CTNNA1: variants seen among roughly 807,000 people sequenced by gnomAD.
The protein encoded by CTNNA1 is catenin alpha-1.
A neutral mutation model predicts 98.4 loss-of-function variants in CTNNA1; 37 were observed. That is an observed-to-expected ratio of 0.38 (90% confidence interval 0.29 to 0.49). The LOEUF (loss-of-function observed/expected upper bound fraction) is 0.49, where lower values mean the gene tolerates loss of function less well. CTNNA1 is among the 20% of genes least tolerant of loss of function. CTNNA1 has a pLI of 0.95. For synonymous variants in CTNNA1, 404 were observed against 413.2 expected (o/e 0.98, Z 0.27); for missense variants, 761 against 1,147.2 (o/e 0.66, Z 4.86).
At chr5:138,915,101 T>C (rs1761448511) in intron 10 of CTNNA1, among the ~76,000 whole-genome samples, 1 of 152,076 alleles carries the variant, frequency 6.6e-6, no homozygotes, top group South Asian at 2.1e-4. Context: ...GAGCTGACAT[T>C]GCGCCACTGC....
intron 11 of CTNNA1, among the ~76,000 whole-genome samples, chr5:138,920,711 C>T (rs1762758638): frequency 6.6e-6 from 1 of 152,194 alleles, no homozygotes. Flanking sequence ...CTCTTACACT[C>T]CATGGGGCCT....
intron 7 of CTNNA1, among the ~76,000 whole-genome samples, chr5:138,863,435 A>G (rs111992281): frequency 0.013 from 1,960 of 152,178 alleles, 47 homozygotes; most frequent in African/African-American, 0.04. Flanking sequence ...TTGTAGAGAC[A>G]GAGTTTTGCC....
intron 7 of CTNNA1, among the ~76,000 whole-genome samples, chr5:138,847,569 G>T (rs563722936): frequency 1.1e-4 from 17 of 152,282 alleles, no homozygotes; most frequent in Non-Finnish European, 2.1e-4. Context: ...CTTTTGAAAA[G>T]AAAATTCTTG....
At chr5:138,766,097 A>G (rs959600770) in intron 1 of CTNNA1, among the ~76,000 whole-genome samples, 2 of 152,144 alleles carry the variant, frequency 1.3e-5, no homozygotes, top group Non-Finnish European at 2.9e-5. Flanking sequence ...AGTTACCATG[A>G]TCAAAAAACT....
rs869240008 is a variant in CTNNA1, at chr5:138,852,871, G to GCGCGCACACACACACGCGCGCGCGCA, written c.1062+25154_1062+25155insGCGCACACACACACGCGCGCGCGCAC. Among the ~76,000 whole-genome samples the GCGCGCACACACACACGCGCGCGCGCA allele has an allele frequency of 4.2e-3, 629 of 151,344 alleles. 1 individual carries two copies. The highest frequency in any genetic ancestry group is 6.8e-3 in the Middle Eastern group (2 of 292). The stretch of plus-strand genomic sequence containing the variant: ...CCCTTCCCTCTTTTCGCGCGCGCGC[G>GCGCGCACACACACACGCGCGCGCGCA]CACACACACATTTTTGCATAGGTGT... On this transcript the variant is annotated intron_variant, in intron 7 of 17. Transcript: ENST00000302763.
intron 11 of CTNNA1, among the ~76,000 whole-genome samples, chr5:138,919,706 G>A (rs1037199777): frequency 6.6e-6 from 1 of 152,224 alleles, no homozygotes; most frequent in Non-Finnish European, 1.5e-5. Context: ...TCAGTCAAAG[G>A]TGGTGGTGTT....
intron 9 of CTNNA1, among the ~76,000 whole-genome samples, chr5:138,895,850 T>C (rs1466030079): frequency 6.6e-6 from 1 of 152,224 alleles, no homozygotes; most frequent in Non-Finnish European, 1.5e-5. Context: ...TTTTAATACA[T>C]GACCAAAACA....
intron 7 of CTNNA1, among the ~76,000 whole-genome samples, chr5:138,876,993 C>A (rs1751716798): frequency 6.6e-6 from 1 of 152,190 alleles, no homozygotes; most frequent in Non-Finnish European, 1.5e-5. Flanking sequence ...AGGTCTGACA[C>A]CTGTGAAGGG....
intron 7 of CTNNA1, among the ~76,000 whole-genome samples, chr5:138,879,171 T>TTAA (rs1294788455): frequency 2.5e-5 from 2 of 80,318 alleles, no homozygotes; most frequent in African/African-American, 1.0e-4. Context: ...ACTCCGTCTT[T>TTAA]AAAAAAAAAA....
At chr5:138,924,372 C>A (rs922444085) in intron 11 of CTNNA1, 138 bp from the exon 12 acceptor site, 12 of 697,122 alleles carry the variant, frequency 1.7e-5, no homozygotes, top group Non-Finnish European at 2.7e-5. Flanking sequence ...AGTCACTGGT[C>A]TCTCCAATGA....
At chr5:138,910,214 T>C (rs1353129288) in intron 10 of CTNNA1, among the ~76,000 whole-genome samples, 3 of 148,494 alleles carry the variant, frequency 2.0e-5, no homozygotes, top group African/African-American at 7.5e-5. Flanking sequence ...TTGGAAAGTG[T>C]TTCCTACTTT....
At position 138,911,948 on chromosome 5, in the gene CTNNA1, C is replaced by T. The variant is rs184133212; in HGVS notation, c.1390-5794C>T. 1.3e-3 allele frequency among the ~76,000 whole-genome samples: 197 copies of T among 152,216 alleles called. 1 individual carries two copies. Among genetic ancestry groups the T allele is most frequent in the African/African-American group, 4.6e-3 (189 of 41,516 alleles). On this transcript the variant is annotated intron_variant, in intron 10 of 17. Coordinates refer to ENST00000302763, the MANE Select transcript of CTNNA1 (RefSeq NM_001903.5). ...TTTGGAGCCTAAGCAGCTGGAAGGA[C>T]GGAGTTCCCATTTATTTTGGTAAGG... is the stretch of plus-strand genomic sequence containing the variant.
intron 1 of CTNNA1, among the ~76,000 whole-genome samples, chr5:138,766,164 T>C (rs989987671): frequency 6.6e-6 from 1 of 152,120 alleles, no homozygotes; most frequent in Non-Finnish European, 1.5e-5. Flanking sequence ...ATAATAGTGC[T>C]ATGTGACAAG....
intron 7 of CTNNA1, among the ~76,000 whole-genome samples, chr5:138,829,927 G>A (rs912660333): frequency 5.9e-5 from 9 of 152,058 alleles, no homozygotes; most frequent in African/African-American, 9.7e-5. Context: ...AGCACTTTGG[G>A]AGGCTGAGGC....
At chr5:138,841,367 C>T (rs1476133590) in intron 7 of CTNNA1, among the ~76,000 whole-genome samples, 1 of 152,100 alleles carries the variant, frequency 6.6e-6, no homozygotes, top group Non-Finnish European at 1.5e-5. Flanking sequence ...TCAAGTGATT[C>T]TCCTGCCTCA....
At chr5:138,807,711 T>A (rs886632622) in intron 3 of CTNNA1, among the ~76,000 whole-genome samples, 1 of 152,096 alleles carries the variant, frequency 6.6e-6, no homozygotes, top group African/African-American at 2.4e-5. Flanking sequence ...TCTTGCTTAT[T>A]CTCTCTTGTT....
intron 9 of CTNNA1, among the ~76,000 whole-genome samples, chr5:138,901,332 AT>A (rs1183081031): frequency 6.6e-6 from 1 of 151,284 alleles, no homozygotes; most frequent in Non-Finnish European, 1.5e-5. Context: ...CAATTTTTGT[AT>A]TTTTAGTAGA....
Position 138,932,676 on chromosome 5 carries a change from G to A in CTNNA1, c.2397G>A (p.Glu799=), listed in dbSNP as rs2150349838. Residue 799 remains glutamate (E), a synonymous_variant, in exon 17 of 18, where the codon GAG becomes GAA. Coordinates refer to ENST00000302763, the MANE Select transcript of CTNNA1 (RefSeq NM_001903.5). ...QLNICSKVKA[E]VQNLGGELVV... ...ACATCTGCAGCAAGGTCAAGGCCGA[G>A]GTGCAGAATCTCGGCGGGGAGCTTG... is the stretch of plus-strand genomic sequence containing the variant. 1 of 1,614,226 alleles carries A rather than the reference G, an allele frequency of 6.2e-7. No individual in the cohort carries two copies. Among genetic ancestry groups the A allele is most frequent in the Non-Finnish European group, 8.5e-7 (1 of 1,180,040 alleles).
intron 10 of CTNNA1, among the ~76,000 whole-genome samples, chr5:138,915,652 A>G (rs1761578016): frequency 6.6e-6 from 1 of 152,258 alleles, no homozygotes; most frequent in Non-Finnish European, 1.5e-5. Context: ...GAGTGGCAAT[A>G]ATTCAAATGT....
Sources: gnomAD v4.1 joint callset for allele counts (sites outside exome capture counted in the v4.1 genomes callset) on GRCh38, gnomAD v4.1.1 for gene constraint, MANE v1.5 for transcripts, NCBI Gene and HGNC (gene_info 2026-07-23, HGNC 2026-07-21) for gene names.